Variants in PARP16 observed in about 807,000 individuals in gnomAD.
PARP16 encodes the protein poly(ADP-ribose) polymerase family member 16, also known as protein mono-ADP-ribosyltransferase PARP16.
A neutral mutation model predicts 35.0 loss-of-function variants in PARP16; 31 were observed. That is an observed-to-expected ratio of 0.88 (90% CI 0.66 to 1.19). The LOEUF (loss-of-function observed/expected upper bound fraction) is 1.19. PARP16 is among the 50% of genes most tolerant of loss of function. PARP16 has a pLI of 0.00. For synonymous variants in PARP16, 162 were observed against 169.5 expected (o/e 0.96, Z 0.34); for missense variants, 424 against 411.2 (o/e 1.03, Z -0.27).
chr15:65,257,698 T>C (rs1596006498), downstream of PARP16, among the ~76,000 whole-genome samples: 1 of 151,952 alleles, frequency 6.6e-6, no homozygotes, highest in East Asian at 1.9e-4. Flanking sequence ...GTAAGGTGCC[T>C]TGCAATGTTA....
At chr15:65,233,800 A>G (rs1386452700), downstream of PARP16, among the ~76,000 whole-genome samples, 1 of 152,178 alleles carries the variant, frequency 6.6e-6, no homozygotes, top group Non-Finnish European at 1.5e-5. Flanking sequence ...AATAAAAATA[A>G]AATAAAAATG....
chr15:65,280,699 T>C (rs1391999360), intron 1 of PARP16, among the ~76,000 whole-genome samples: 3 of 152,046 alleles, frequency 2.0e-5, no homozygotes, highest in African/African-American at 4.8e-5. Context: ...AAGATGGAAA[T>C]GGCATCAGGA....
At chr15:65,253,628 C>T (rs1229042037), downstream of PARP16, among the ~76,000 whole-genome samples, 1 of 152,140 alleles carries the variant, frequency 6.6e-6, no homozygotes, top group Admixed American at 6.5e-5. Flanking sequence ...CCGCGCCCGG[C>T]CTTCATTCTC....
intron 1 of PARP16, among the ~76,000 whole-genome samples, chr15:65,274,638 T>C: frequency 1.3e-5 from 2 of 151,680 alleles, no homozygotes; most frequent in South Asian, 4.2e-4. Flanking sequence ...GCTATTTCTA[T>C]GCCTTGCTTA....
intron 3 of PARP16, among the ~76,000 whole-genome samples, chr15:65,241,820 G>A (rs1430600403): frequency 6.6e-6 from 1 of 151,936 alleles, no homozygotes; most frequent in Non-Finnish European, 1.5e-5. Context: ...TTGGATATAT[G>A]TTTTGCAAAT....
chr15:65,270,136 T>C (rs2090046428), intron 2 of PARP16, among the ~76,000 whole-genome samples: 1 of 152,120 alleles, frequency 6.6e-6, no homozygotes, highest in Non-Finnish European at 1.5e-5. Context: ...TACTCTTAAA[T>C]TGAAATGAAT....
intron 2 of PARP16, among the ~76,000 whole-genome samples, chr15:65,250,542 C>G (rs2089331854): frequency 6.6e-6 from 1 of 152,188 alleles, no homozygotes; most frequent in South Asian, 2.1e-4. Context: ...ATCTGCCTTG[C>G]AGGGATACTG....
At chr15:65,230,920 G>T (rs1193540439), downstream of PARP16, among the ~76,000 whole-genome samples, 1 of 109,360 alleles carries the variant, frequency 9.1e-6, no homozygotes, top group African/African-American at 3.6e-5. Flanking sequence ...ATGGAGTCTT[G>T]CTCTGTCACC....
chr15:65,236,393 G>C (rs1289645806), intron 3 of PARP16, among the ~76,000 whole-genome samples: 1 of 152,220 alleles, frequency 6.6e-6, no homozygotes, highest in Non-Finnish European at 1.5e-5. Context: ...TTATGACCTG[G>C]ACCAGGGAAC....
chr15:65,254,852 GAC>G (rs2089457015), downstream of PARP16, among the ~76,000 whole-genome samples: 1 of 152,126 alleles, frequency 6.6e-6, no homozygotes, highest in Non-Finnish European at 1.5e-5. Flanking sequence ...AAACAGAAAT[GAC>G]ACAGAACAAC....
At chr15:65,257,049 G>A (rs2089533784), downstream of PARP16, among the ~76,000 whole-genome samples, 1 of 152,212 alleles carries the variant, frequency 6.6e-6, no homozygotes, top group African/African-American at 2.4e-5. Flanking sequence ...TTGGGAAGCT[G>A]AGGAAGGTGG....
intron 3 of PARP16, among the ~76,000 whole-genome samples, chr15:65,265,095 A>G (rs969377408): frequency 1.3e-5 from 2 of 152,192 alleles, no homozygotes; most frequent in African/African-American, 4.8e-5. Flanking sequence ...ACCCAACGAC[A>G]TTAACCAGAT....
downstream of PARP16, among the ~76,000 whole-genome samples, chr15:65,253,540 C>A (rs972777946): frequency 6.6e-6 from 1 of 151,680 alleles, no homozygotes; most frequent in Non-Finnish European, 1.5e-5. Flanking sequence ...CTGTTTTAGC[C>A]GGGATGGTCT....
At chr15:65,261,446 ATGTTTTGTTTT>A (rs1015046145) in intron 4 of PARP16, among the ~76,000 whole-genome samples, 1 of 147,462 alleles carries the variant, frequency 6.8e-6, no homozygotes, top group Non-Finnish European at 1.5e-5. Flanking sequence ...ATATATATAC[ATGTTTTGTTTT>A]TTTTTTGTTT....
chr15:65,249,895 G>C (rs147203215), intron 2 of PARP16, among the ~76,000 whole-genome samples: 2 of 152,320 alleles, frequency 1.3e-5, no homozygotes, highest in Non-Finnish European at 2.9e-5. Flanking sequence ...CTCTGATTGA[G>C]TGGGTGTTGG....
intron 2 of PARP16, among the ~76,000 whole-genome samples, chr15:65,269,182 T>C (rs138050049): frequency 0.29 from 42,656 of 149,232 alleles, 6,440 homozygotes; most frequent in Admixed American, 0.34. Flanking sequence ...GTTTTTTTCT[T>C]TCTTTCTTTC....
chr15:65,280,168 G>T (rs2140966506), intron 1 of PARP16, among the ~76,000 whole-genome samples: 1 of 152,176 alleles, frequency 6.6e-6, no homozygotes, highest in African/African-American at 2.4e-5. Context: ...CAGGTGTGGT[G>T]GTTCACGCCT....
intron 2 of PARP16, among the ~76,000 whole-genome samples, chr15:65,268,353 C>T (rs942089742): frequency 2.0e-5 from 3 of 152,062 alleles, no homozygotes; most frequent in Non-Finnish European, 2.9e-5. Flanking sequence ...CCAGCTGAAG[C>T]CCCAGAAATG....
At chr15:65,281,432 G>A (rs1013637016) in intron 1 of PARP16, among the ~76,000 whole-genome samples, 1 of 152,210 alleles carries the variant, frequency 6.6e-6, no homozygotes, top group Non-Finnish European at 1.5e-5. Flanking sequence ...GCTCATGCCT[G>A]TAATCCCAGC....
Sources: allele counts gnomAD v4.1 joint callset (sites outside exome capture counted in the v4.1 genomes callset), GRCh38; gene constraint gnomAD v4.1.1; transcripts MANE v1.5; gene names NCBI Gene and HGNC (gene_info 2026-07-23, HGNC 2026-07-21).